The following SLC35F3 variants were observed in gnomAD, a reference collection of about 807,000 sequenced individuals.
SLC35F3 encodes the protein solute carrier family 35 member F3.
SLC35F3 carries 25 observed loss-of-function variants against 49.9 expected under a neutral mutation model. The observed-to-expected ratio is 0.50, with a 90% CI of 0.37 to 0.70. SLC35F3 has a LOEUF of 0.70. Among genes scored for constraint, SLC35F3 ranks in the 30% least tolerant of loss-of-function variants. The pLI is 0.00. For missense variants in SLC35F3, 525 were observed against 639.8 expected, an observed-to-expected ratio of 0.82 and a Z score of 1.94; for synonymous variants, 275 against 265.4, an observed-to-expected ratio of 1.04 and a Z score of -0.35.
intron 4 of SLC35F3, among the ~76,000 whole-genome samples, chr1:234,312,054 G>A (rs1657369124): frequency 6.6e-6 from 1 of 152,184 alleles, no homozygotes; most frequent in African/African-American, 2.4e-5. Context: ...ATTGGAGGGG[G>A]TTGATGGATC....
At chr1:234,290,757 G>T (rs1411330669) in intron 3 of SLC35F3, among the ~76,000 whole-genome samples, 1 of 152,218 alleles carries the variant, frequency 6.6e-6, no homozygotes, top group Admixed American at 6.5e-5. Context: ...TATTATAGAG[G>T]TTGAGAGACT....
intron 2 of SLC35F3, among the ~76,000 whole-genome samples, chr1:234,146,823 T>C (rs1666004719): frequency 6.6e-6 from 1 of 152,166 alleles, no homozygotes; most frequent in Non-Finnish European, 1.5e-5. Flanking sequence ...CTCATCTTTC[T>C]TTCCATATGT....
chr1:234,282,403 C>G (rs1471691668), intron 3 of SLC35F3, among the ~76,000 whole-genome samples: 1 of 152,192 alleles, frequency 6.6e-6, no homozygotes. Flanking sequence ...CCACCCCTGC[C>G]CTTGGCCTGG....
chr1:234,289,334 A>C (rs145039788), intron 3 of SLC35F3, among the ~76,000 whole-genome samples: 9 of 152,346 alleles, frequency 5.9e-5, no homozygotes, highest in Non-Finnish European at 1.3e-4. Flanking sequence ...GAAAATAAGG[A>C]ATGGAAGGCG....
chr1:234,031,294 T>C (rs1164521362), intron 2 of SLC35F3, among the ~76,000 whole-genome samples: 1 of 152,222 alleles, frequency 6.6e-6, no homozygotes, highest in Non-Finnish European at 1.5e-5. Flanking sequence ...TCTCTGGAGA[T>C]GATAAGTTAG....
chr1:234,269,372 G>C (rs12405689), intron 3 of SLC35F3, among the ~76,000 whole-genome samples: 21,821 of 152,112 alleles, frequency 0.14, 1,662 homozygotes, highest in Non-Finnish European at 0.17. Context: ...GAACAGAATA[G>C]ATCAACCAGG....
intron 2 of SLC35F3, among the ~76,000 whole-genome samples, chr1:233,941,962 G>GTTT (rs547024039): frequency 1.7e-5 from 2 of 118,912 alleles, no homozygotes; most frequent in African/African-American, 2.9e-5. Context: ...TTGTTTTTTT[G>GTTT]TTTTTTTTTT....
chr1:234,044,134 T>C (rs924391225), intron 2 of SLC35F3, among the ~76,000 whole-genome samples: 1 of 152,216 alleles, frequency 6.6e-6, no homozygotes. Flanking sequence ...AATAGTTCTC[T>C]TGGGAATGGA....
At position 233,957,727 on chromosome 1, in the gene SLC35F3, A is replaced by G. The variant is rs1350364846; in HGVS notation, c.283+51969A>G. Among the ~76,000 whole-genome samples the G allele has an allele frequency of 6.6e-6, 1 of 152,138 alleles. No homozygotes were observed. The highest frequency in any genetic ancestry group is 1.9e-4 in the East Asian group (1 of 5,198). On this transcript the variant is annotated intron_variant, in intron 2 of 7. Transcript: ENST00000366618. The surrounding 1 kb of genome is among the most constrained non-coding windows in gnomAD (Gnocchi z 4.0). Reference sequence around the variant, plus strand: ...CTACTTGGGAGGCTGAGGCAGGAGAATCACTTGAACCCAAGAGGATGAGGT... The same window carrying G: ...CTACTTGGGAGGCTGAGGCAGGAGAGTCACTTGAACCCAAGAGGATGAGGT...
intron 2 of SLC35F3, among the ~76,000 whole-genome samples, chr1:234,036,206 G>C (rs1229455336): frequency 6.6e-6 from 1 of 152,150 alleles, no homozygotes; most frequent in East Asian, 1.9e-4. Flanking sequence ...GGGACTACAG[G>C]TGTGCACTAC....
chr1:234,029,185 A>G (rs188748464), intron 2 of SLC35F3, among the ~76,000 whole-genome samples: 1 of 152,314 alleles, frequency 6.6e-6, no homozygotes, highest in East Asian at 1.9e-4. Flanking sequence ...CTACAGGAGA[A>G]ACAGATAGGC....
At chr1:233,909,696 C>T (rs1314191670) in intron 2 of SLC35F3, among the ~76,000 whole-genome samples, 1 of 152,174 alleles carries the variant, frequency 6.6e-6, no homozygotes, top group African/African-American at 2.4e-5. Flanking sequence ...TTGTAGGGAG[C>T]TGTCATGTAC....
chr1:234,090,099 G>A (rs1251963074), intron 2 of SLC35F3, among the ~76,000 whole-genome samples: 5 of 152,222 alleles, frequency 3.3e-5, no homozygotes, highest in Admixed American at 2.6e-4. Context: ...TGACAATTTG[G>A]CAATGTGCTG....
intron 3 of SLC35F3, among the ~76,000 whole-genome samples, chr1:234,232,475 G>GC (rs1667394421): frequency 7.8e-6 from 1 of 127,724 alleles, no homozygotes; most frequent in South Asian, 2.5e-4. Flanking sequence ...CAAAGTGGAG[G>GC]CCTTCTGTGG....
At chr1:234,049,167 G>T (rs1664336870) in intron 2 of SLC35F3, among the ~76,000 whole-genome samples, 1 of 152,170 alleles carries the variant, frequency 6.6e-6, no homozygotes, top group Non-Finnish European at 1.5e-5. Context: ...ATTTGAGAAG[G>T]ACATGAATTC....
At chr1:234,297,292 G>A (rs765217698) in intron 3 of SLC35F3, among the ~76,000 whole-genome samples, 3 of 152,130 alleles carry the variant, frequency 2.0e-5, no homozygotes, top group Non-Finnish European at 4.4e-5. Flanking sequence ...CAGAAATCCC[G>A]TTACTGGGTA....
At chr1:233,927,800 C>A (rs1662183848) in intron 2 of SLC35F3, among the ~76,000 whole-genome samples, 1 of 151,904 alleles carries the variant, frequency 6.6e-6, no homozygotes, top group Non-Finnish European at 1.5e-5. Flanking sequence ...TTGCTTGTTG[C>A]TAAAGAAAAC....
intron 4 of SLC35F3, among the ~76,000 whole-genome samples, chr1:234,312,378 G>A (rs2102995382): frequency 6.6e-6 from 1 of 152,302 alleles, no homozygotes; most frequent in South Asian, 2.1e-4. Flanking sequence ...TGGGGATCAT[G>A]GACCTTTTTC....
chr1:234,093,618 C>T (rs1665076028), intron 2 of SLC35F3, among the ~76,000 whole-genome samples: 1 of 152,224 alleles, frequency 6.6e-6, no homozygotes, highest in South Asian at 2.1e-4. Context: ...GGACCACGAC[C>T]CGAGGAGGGG....
Sources: allele counts gnomAD v4.1 joint callset (sites outside exome capture counted in the v4.1 genomes callset), GRCh38; gene constraint gnomAD v4.1.1; non-coding constraint Gnocchi (gnomAD v3.1); transcripts MANE v1.5; gene names NCBI Gene and HGNC (gene_info 2026-07-23, HGNC 2026-07-21).